FOXP1: variants seen among roughly 807,000 people sequenced by gnomAD.
The protein encoded by FOXP1 is forkhead box P1.
Under a neutral mutation model 98.2 loss-of-function variants are expected in FOXP1, and 15 were observed. The observed-to-expected ratio is 0.15, with a 90% CI of 0.10 to 0.24. The LOEUF (loss-of-function observed/expected upper bound fraction) is 0.24, where lower values mean the gene tolerates loss of function less well. FOXP1 is among the 10% of genes least tolerant of loss of function. The pLI, the probability that FOXP1 is intolerant of heterozygous loss-of-function variation, is 1.00. For missense variants in FOXP1, 633 were observed against 848.5 expected (o/e 0.75, Z 3.15); for synonymous variants, 371 against 314.5 (o/e 1.18, Z -1.90).
At chr3:70,997,785 T>C (rs908016041) in intron 13 of FOXP1, among the ~76,000 whole-genome samples, 1 of 152,224 alleles carries the variant, frequency 6.6e-6, no homozygotes, top group Non-Finnish European at 1.5e-5. Context: ...GTTTTAATCA[T>C]TGTACTCTGC....
chr3:71,105,928 C>T (rs533010257), intron 7 of FOXP1, among the ~76,000 whole-genome samples: 25 of 152,094 alleles, frequency 1.6e-4, no homozygotes, highest in Middle Eastern at 3.4e-3. Flanking sequence ...TGGAAAATAG[C>T]GTAATTTACT....
At chr3:71,149,058 T>C (rs990762575) in intron 6 of FOXP1, among the ~76,000 whole-genome samples, 20 of 152,234 alleles carry the variant, frequency 1.3e-4, no homozygotes, top group African/African-American at 4.8e-4. Flanking sequence ...TCAATAATAG[T>C]TCTTCTGCAA....
At chr3:71,143,245 T>C (rs1462813879) in intron 6 of FOXP1, among the ~76,000 whole-genome samples, 1 of 152,246 alleles carries the variant, frequency 6.6e-6, no homozygotes, top group African/African-American at 2.4e-5. Flanking sequence ...ATTCTAATAA[T>C]GATCAGGACA....
At chr3:70,963,922 A>T (rs999194391) in intron 20 of FOXP1, among the ~76,000 whole-genome samples, 2 of 152,194 alleles carry the variant, frequency 1.3e-5, no homozygotes, top group Admixed American at 6.5e-5. Flanking sequence ...CCTTCCTAAC[A>T]AGGTCCTTCA....
At chr3:71,465,447 G>T (rs1332646008) in intron 3 of FOXP1, among the ~76,000 whole-genome samples, 1 of 152,116 alleles carries the variant, frequency 6.6e-6, no homozygotes, top group Non-Finnish European at 1.5e-5. Context: ...TGAGGCACTG[G>T]GTGCTTAAGG....
intron 4 of FOXP1, among the ~76,000 whole-genome samples, chr3:71,350,078 G>T (rs549302323): frequency 6.6e-6 from 1 of 152,252 alleles, no homozygotes; most frequent in Non-Finnish European, 1.5e-5. Flanking sequence ...AGGAGATGGG[G>T]GTGACTTGGA....
At chr3:71,170,412 CTTTTAA>C (rs568975984) in intron 6 of FOXP1, among the ~76,000 whole-genome samples, 1 of 152,152 alleles carries the variant, frequency 6.6e-6, no homozygotes, top group East Asian at 1.9e-4. Context: ...CTTGCAGAAA[CTTTTAA>C]TTTTAATTCC....
chr3:71,267,131 G>GTGTGTC (rs1553808523), intron 5 of FOXP1, among the ~76,000 whole-genome samples: 2 of 151,896 alleles, frequency 1.3e-5, no homozygotes, highest in Admixed American at 6.6e-5. Flanking sequence ...GAGAGTGTGT[G>GTGTGTC]TGTGTGTGTG....
chr3:70,961,083 T>C (rs1372436111), intron 20 of FOXP1, among the ~76,000 whole-genome samples: 4 of 151,838 alleles, frequency 2.6e-5, no homozygotes, highest in East Asian at 1.9e-4. Context: ...CCGCCCGCCT[T>C]GGCCTCCCAA....
rs140327261 is a variant in FOXP1 at position 71,405,619 on chromosome 3, C to A, written c.-167-46375G>T. On this transcript the variant is annotated intron_variant, in intron 3 of 20. Coordinates refer to ENST00000649528, the MANE Select transcript of FOXP1 (RefSeq NM_001349338.3). ...CCAGAGTTCCACGTTCCCAGCTGCA[C>A]CTCAGAATCACTTGGGAAGGTTATA... Among the ~76,000 whole-genome samples, 4 of 152,278 alleles carry A rather than the reference C, an allele frequency of 2.6e-5. No homozygotes were observed. The East Asian group carries it at 7.7e-4, about 29-fold the overall frequency.
At chr3:71,067,989 T>TAAA (rs3058699) in intron 7 of FOXP1, among the ~76,000 whole-genome samples, 27 of 134,746 alleles carry the variant, frequency 2.0e-4, no homozygotes, top group African/African-American at 5.6e-4. Flanking sequence ...TGGATAATTA[T>TAAA]AAAAAAAAAA....
At chr3:71,158,516 G>A (rs1227124107) in intron 6 of FOXP1, among the ~76,000 whole-genome samples, 1 of 152,122 alleles carries the variant, frequency 6.6e-6, no homozygotes, top group Non-Finnish European at 1.5e-5. Context: ...TGAAACCAAT[G>A]AGAGCTCAGT....
At chr3:71,251,775 A>G (rs1380991206) in intron 5 of FOXP1, among the ~76,000 whole-genome samples, 1 of 152,200 alleles carries the variant, frequency 6.6e-6, no homozygotes, top group Non-Finnish European at 1.5e-5. Flanking sequence ...TGAGAATCCA[A>G]AAGTACACTG....
chr3:70,969,842 A>G (rs1429241489), intron 19 of FOXP1: 3 of 151,716 alleles, frequency 2.0e-5, no homozygotes, highest in Admixed American at 2.0e-4. Context: ...AGATTTATCT[A>G]TAGAATATGC....
chr3:71,509,369 C>T (rs1029859171), intron 2 of FOXP1, among the ~76,000 whole-genome samples: 13 of 152,152 alleles, frequency 8.5e-5, no homozygotes, highest in African/African-American at 3.1e-4. Flanking sequence ...TGTGTCATCA[C>T]ACGGTCTTCC....
At chr3:71,495,395 T>C (rs183913837) in intron 2 of FOXP1, among the ~76,000 whole-genome samples, 1 of 152,356 alleles carries the variant, frequency 6.6e-6, no homozygotes, top group Admixed American at 6.5e-5. Context: ...TAAGCTCAAT[T>C]AGATAAAAGA....
At chr3:71,499,957 C>G (rs139241855) in intron 2 of FOXP1, among the ~76,000 whole-genome samples, 1 of 152,134 alleles carries the variant, frequency 6.6e-6, no homozygotes, top group Non-Finnish European at 1.5e-5. Flanking sequence ...ATAACTCAAA[C>G]GTGCCCTAAA....
At chr3:71,137,675 G>C (rs778411774) in intron 6 of FOXP1, among the ~76,000 whole-genome samples, 1 of 152,054 alleles carries the variant, frequency 6.6e-6, no homozygotes, top group Non-Finnish European at 1.5e-5. Flanking sequence ...AAGGTATCTG[G>C]TCTTCTATCA....
At chr3:71,342,687 TA>T (rs35486757) in intron 4 of FOXP1, among the ~76,000 whole-genome samples, 79 of 145,762 alleles carry the variant, frequency 5.4e-4, no homozygotes, top group Non-Finnish European at 5.3e-4. Context: ...AGACTCCGTC[TA>T]AAAAAAAAAA....
Sources: allele counts gnomAD v4.1 joint callset (sites outside exome capture counted in the v4.1 genomes callset), GRCh38; gene constraint gnomAD v4.1.1; transcripts MANE v1.5; gene names NCBI Gene and HGNC (gene_info 2026-07-23, HGNC 2026-07-21).